Variants in OR10H1 observed in about 807,000 individuals in gnomAD.
OR10H1 encodes the protein olfactory receptor 10H1.
Under a neutral mutation model 13.1 loss-of-function variants are expected in OR10H1, and 12 were observed. The ratio of observed to expected loss-of-function variants is 0.92; its 90% confidence interval spans 0.59 to 1.48. The LOEUF is 1.48. Ranked by LOEUF, OR10H1 falls within the 40% of genes most tolerant of loss-of-function variation. The pLI is 0.00. For missense variants in OR10H1, 363 were observed against 413.1 expected (o/e 0.88, Z 1.05); for synonymous variants, 168 against 175.6 (o/e 0.96, Z 0.34).
chr19:15,807,703 G>T lies in OR10H1; in HGVS notation c.335C>A (p.Ser112Tyr). The change falls in exon 4 of 4, where the codon TCC (serine) becomes TAC (tyrosine). Residue 112 changes from serine (S) to tyrosine (Y), a missense_variant. Physicochemically the swap from Ser to Tyr is moderately radical, Grantham distance 144. Around this residue, in one of 3 missense-constraint regions of OR10H1, gnomAD observed 318 missense variants for 366.6 expected, o/e 0.87. Transcript: ENST00000641419. ...GTAGCCCATGACGGTGAGCAGGAAG[G>T]AGTGGGTGAAGCCGAAGCTGAAGGA... is the stretch of plus-strand genomic sequence containing the variant. ...FFSFSFGFTHSFLLTVMGYDR... is the reference protein window; with the variant it reads ...FFSFSFGFTHYFLLTVMGYDR... 1 of 1,614,014 alleles carries T rather than the reference G, an allele frequency of 6.2e-7. No homozygotes were observed. The highest frequency in any genetic ancestry group is 1.1e-5 in the South Asian group (1 of 91,062).
rs750634455 is a variant in OR10H1, at chr19:15,807,647, G to A, written c.391C>T (p.Arg131Cys). ...CGCGGGCTCATGAGCACGTTGTAGC[G>A]CAGGGGGTGGCAGATGGCCACGTAG... ...DRYVAICHPL[R>C]YNVLMSPRGC... Residue 131 changes from arginine (R) to cysteine (C), a missense_variant, in exon 4 of 4, where the codon CGC becomes TGC. Transcript: ENST00000641419. The A allele has an allele frequency of 3.2e-5, 51 of 1,613,956 alleles. No individual in the cohort carries two copies. Among genetic ancestry groups the A allele is most frequent in the South Asian group, 8.8e-5 (8 of 91,072 alleles).
intron 2 of OR10H1, among the ~76,000 whole-genome samples, chr19:15,811,808 C>A (rs965776265): frequency 6.6e-6 from 1 of 152,164 alleles, no homozygotes; most frequent in Non-Finnish European, 1.5e-5. Flanking sequence ...CGCTCTGTGC[C>A]TCCTACAAGT....
chr19:15,812,197 G>A (rs1428824982), intron 2 of OR10H1, 33 bp downstream of exon 2: 1 of 152,176 alleles, frequency 6.6e-6, no homozygotes, highest in Non-Finnish European at 1.5e-5. Context: ...TGATCTCAAA[G>A]CCTGTCTTTT....
intron 3 of OR10H1, 110 bp from the exon 4 acceptor site, chr19:15,808,158 C>T (rs1448432763): frequency 3.5e-6 from 3 of 848,114 alleles, no homozygotes; most frequent in East Asian, 5.0e-5. Flanking sequence ...TGGTTTGGTT[C>T]CATTCCCACT....
At chr19:15,810,658 G>C (rs939380791) in intron 2 of OR10H1, among the ~76,000 whole-genome samples, 1 of 152,020 alleles carries the variant, frequency 6.6e-6, no homozygotes, top group Admixed American at 6.6e-5. Context: ...CCAGGGGCTG[G>C]GGTGAGGGGA....
chr19:15,809,452 A>G (rs569728668), intron 2 of OR10H1, among the ~76,000 whole-genome samples: 2 of 151,936 alleles, frequency 1.3e-5, no homozygotes, highest in East Asian at 3.9e-4. Context: ...CACCTCACCC[A>G]GCTAATGTTT....
At chr19:15,814,474 TGTGTGTGAGA>T (rs869163668) in intron 1 of OR10H1, among the ~76,000 whole-genome samples, 230 of 31,194 alleles carry the variant, frequency 7.4e-3, no homozygotes, top group Middle Eastern at 0.025. Flanking sequence ...TGTGTGTGTG[TGTGTGTGAGA>T]GAGAGAGAGA....
chr19:15,811,228 A>T (rs2088931110), intron 2 of OR10H1, among the ~76,000 whole-genome samples: 1 of 152,080 alleles, frequency 6.6e-6, no homozygotes, highest in Admixed American at 6.5e-5. Flanking sequence ...ATGTCCCGCC[A>T]CTCTGAGATC....
intron 1 of OR10H1, among the ~76,000 whole-genome samples, 200 bp downstream of exon 1, chr19:15,815,355 A>AG: frequency 6.6e-6 from 1 of 151,564 alleles, no homozygotes; most frequent in Non-Finnish European, 1.5e-5. Flanking sequence ...AAAAAAAAAA[A>AG]AAAATAGAAG....
chr19:15,805,390 G>A lies in OR10H1; in HGVS notation c.*1691C>T, dbSNP rs1467461121. 1 of 151,454 alleles carries A rather than the reference G, an allele frequency of 6.6e-6. No homozygotes were observed. The highest frequency in any genetic ancestry group is 1.5e-5 in the Non-Finnish European group (1 of 67,966). 9.4% of individuals were successfully genotyped at this position (151,454 alleles called of 1,614,324 possible). ...ATAAATATATAAATACTATACAGTA[G>A]GGTCAATCTTAAATCCCTGCCCATT... On this transcript the variant is annotated 3_prime_UTR_variant, in exon 4 of 4. Coordinates refer to ENST00000641419, the MANE Select transcript of OR10H1 (RefSeq NM_013940.4).
chr19:15,807,885 G>T lies in OR10H1; in HGVS notation c.153C>A (p.Ser51Arg), dbSNP rs769593874. Residue 51 changes from serine (S) to arginine (R), a missense_variant, in exon 4 of 4, where the codon AGC becomes AGA. Physicochemically the swap from Ser to Arg is moderately radical, Grantham distance 110 (BLOSUM62 -1). Coordinates refer to ENST00000641419, the MANE Select transcript of OR10H1 (RefSeq NM_013940.4). ...ACATGGGCGTGTGGAGGCTGCGCTC[G>T]CTCCAGACGGTGGCCATGATGAGCA... Reference protein sequence around the residue: ...GNLLIMATVWSERSLHTPMYL... With the variant: ...GNLLIMATVWRERSLHTPMYL... 5 of 1,614,000 alleles carry T rather than the reference G, an allele frequency of 3.1e-6. No homozygotes were observed. The highest frequency in any genetic ancestry group is 4.2e-6 in the Non-Finnish European group (5 of 1,179,914).
rs569287588 is a variant in OR10H1, at chr19:15,806,964, T to A, written c.*117A>T. ...CTGGTCTCAAACTCCTGACCTCAGG[T>A]GATCCGCCTGCCTCGGCCTCCCAAA... is the stretch of plus-strand genomic sequence containing the variant. On this transcript the variant is annotated 3_prime_UTR_variant, in exon 4 of 4. Coordinates refer to ENST00000641419, the MANE Select transcript of OR10H1 (RefSeq NM_013940.4). The A allele has an allele frequency of 1.4e-4, 131 of 925,310 alleles. 1 individual carries two copies. In the African/African-American group the frequency reaches 1.9e-3, roughly 13 times the overall value. The allele number at this position is 925,310 out of a possible 1,614,324, so 57.3% of individuals were successfully genotyped here.
rs539072189 is a variant in OR10H1, at chr19:15,813,974, C to T, written c.-777-1096G>A. 3.0e-4 allele frequency among the ~76,000 whole-genome samples: 46 copies of T among 152,066 alleles called. No individual in the cohort carries two copies. The South Asian group carries it at 3.5e-3, about 12-fold the overall frequency. On this transcript the variant is annotated intron_variant, in intron 1 of 3. Transcript: ENST00000641419. ...ACTGTCTAGCACTGACAGGAACACC[C>T]GGTGGGGCCAGTTCTCCACTCAGAG...
intron 1 of OR10H1, among the ~76,000 whole-genome samples, chr19:15,813,319 G>T (rs1404100341): frequency 1.3e-5 from 2 of 152,168 alleles, no homozygotes; most frequent in East Asian, 3.8e-4. Context: ...CAAACCCATG[G>T]TGGATGTGGG....
Position 15,807,750 on chromosome 19 carries a change from G to A in OR10H1, c.288C>T (p.Ala96=). ...AGGAGAAGAACATCTGACTGGCACA[G>A]GCCAGGAAGGCGATGGAGCGCTGGG... ...LSTQRSIAFL[A]CASQMFFSFS... Residue 96 remains alanine (A), a synonymous_variant, in exon 4 of 4, where the codon GCC becomes GCT. Coordinates refer to ENST00000641419, the MANE Select transcript of OR10H1 (RefSeq NM_013940.4). The A allele has an allele frequency of 1.9e-6, 3 of 1,611,562 alleles. No homozygotes were observed. The highest frequency in any genetic ancestry group is 1.3e-5 in the African/African-American group (1 of 74,980).
rs770347906 is a variant in OR10H1 at position 15,807,186 on chromosome 19, G to C, written c.852C>G (p.Pro284=). 6.2e-7 allele frequency: 1 copy of C among 1,614,186 alleles called. No homozygotes were observed. The highest frequency in any genetic ancestry group is 8.5e-7 in the Non-Finnish European group (1 of 1,180,040). The change falls in exon 4 of 4, where the codon CCC becomes CCG. Residue 284 remains proline, a synonymous_variant. Coordinates refer to ENST00000641419, the MANE Select transcript of OR10H1 (RefSeq NM_013940.4). The stretch of plus-strand genomic sequence containing the variant: ...GGCTGAAGATGATGGGGCTGAGGAA[G>C]GGTGTGAGGACCGTGTAGGTGATGC... ...LMGITYTVLT[P]FLSPIIFSLR... is the part of the protein sequence containing the mutation.
intron 1 of OR10H1, among the ~76,000 whole-genome samples, chr19:15,813,778 G>T (rs750542905): frequency 2.8e-5 from 4 of 141,064 alleles, no homozygotes; most frequent in African/African-American, 5.3e-5. Context: ...GGAGAGAGAG[G>T]GTTGGGGAAA....
At chr19:15,809,985 C>T (rs2088924352) in intron 2 of OR10H1, among the ~76,000 whole-genome samples, 1 of 152,016 alleles carries the variant, frequency 6.6e-6, no homozygotes, top group African/African-American at 2.4e-5. Flanking sequence ...CTTAGTTAAT[C>T]TCTTTTTTAA....
At chr19:15,809,655 T>C (rs995234585) in intron 2 of OR10H1, among the ~76,000 whole-genome samples, 1 of 152,088 alleles carries the variant, frequency 6.6e-6, no homozygotes, top group Non-Finnish European at 1.5e-5. Context: ...CAAAGGGTTG[T>C]TGTGGGAAGG....
Sources: allele counts gnomAD v4.1 joint callset (sites outside exome capture counted in the v4.1 genomes callset), GRCh38; gene constraint gnomAD v4.1.1; regional missense constraint gnomAD v4.1.1; transcripts MANE v1.5; gene names NCBI Gene and HGNC (gene_info 2026-07-23, HGNC 2026-07-21).